Variants in FOXO1 observed in about 807,000 individuals in gnomAD.
FOXO1 encodes forkhead box O1.
FOXO1 carries 6 observed loss-of-function variants against 44.1 expected under a neutral mutation model. The observed-to-expected ratio is 0.14, with a 90% confidence interval of 0.07 to 0.27. The LOEUF is 0.27. Ranked by LOEUF, FOXO1 falls within the 10% of genes least tolerant of loss-of-function variation. FOXO1 has a pLI of 1.00. For missense variants in FOXO1, 737 were observed against 888.8 expected, an observed-to-expected ratio of 0.83 and a Z score of 2.17; for synonymous variants, 380 against 362.7, an observed-to-expected ratio of 1.05 and a Z score of -0.54.
At chr13:40,592,896 G>A in intron 1 of FOXO1, among the ~76,000 whole-genome samples, 1 of 152,162 alleles carries the variant, frequency 6.6e-6, no homozygotes, top group East Asian at 1.9e-4. Context: ...AAGGTATATG[G>A]TTTCTAGTAC....
chr13:40,630,854 A>G (rs1003975731), intron 1 of FOXO1, among the ~76,000 whole-genome samples: 34 of 152,192 alleles, frequency 2.2e-4, no homozygotes, highest in African/African-American at 7.5e-4. Flanking sequence ...GCCTTAAAGT[A>G]TAATACCAAG....
intron 1 of FOXO1, among the ~76,000 whole-genome samples, chr13:40,656,303 C>A (rs1303238758): frequency 6.6e-6 from 1 of 152,182 alleles, no homozygotes; most frequent in African/African-American, 2.4e-5. Context: ...TTTGAAGTAT[C>A]TTTTCAAGCC....
intron 1 of FOXO1, among the ~76,000 whole-genome samples, chr13:40,596,962 G>C (rs1382088883): frequency 3.9e-5 from 6 of 152,146 alleles, no homozygotes; most frequent in Non-Finnish European, 8.8e-5. Context: ...CTACCCCAAA[G>C]GGGAGGAAGA....
intron 1 of FOXO1, chr13:40,619,409 G>C (rs1449201919): frequency 1.1e-6 from 1 of 879,334 alleles, no homozygotes; most frequent in African/African-American, 1.7e-5. Flanking sequence ...CGGGGCACAG[G>C]AAATGCAACT....
At chr13:40,665,367 G>T (rs1288914526) in intron 1 of FOXO1, among the ~76,000 whole-genome samples, 3 of 152,124 alleles carry the variant, frequency 2.0e-5, no homozygotes, top group Non-Finnish European at 4.4e-5. Context: ...GCCCCTTACC[G>T]CGTCCCACGC....
intron 1 of FOXO1, among the ~76,000 whole-genome samples, chr13:40,595,784 T>C (rs1454113921): frequency 6.6e-6 from 1 of 152,084 alleles, no homozygotes; most frequent in African/African-American, 2.4e-5. Flanking sequence ...CCTCAAACAT[T>C]TGTCATTTCT....
chr13:40,664,976 T>G (rs1878175950), intron 1 of FOXO1, among the ~76,000 whole-genome samples: 1 of 151,868 alleles, frequency 6.6e-6, no homozygotes, highest in South Asian at 2.1e-4. Context: ...CCCCCGGCAC[T>G]CGAGGCCACT....
At chr13:40,664,236 G>GTAC (rs1442741198) in intron 1 of FOXO1, among the ~76,000 whole-genome samples, 80 of 152,170 alleles carry the variant, frequency 5.3e-4, no homozygotes, top group African/African-American at 1.8e-3. Context: ...TCGCGCCACG[G>GTAC]TACTCCAGCC....
At chr13:40,634,328 G>A (rs1877070371) in intron 1 of FOXO1, among the ~76,000 whole-genome samples, 1 of 152,130 alleles carries the variant, frequency 6.6e-6, no homozygotes, top group South Asian at 2.1e-4. Flanking sequence ...ACAAGAAAAT[G>A]TAATTATTAC....
At position 40,560,946 on chromosome 13, in the gene FOXO1, T is replaced by A; in HGVS notation, c.631-86A>T. ...CTACATGTATTACATGGAAAACAAGTAAAAAATCTTAAGAGTGTGTGCTAC... is the reference window on the plus strand; with the variant it reads ...CTACATGTATTACATGGAAAACAAGAAAAAAATCTTAAGAGTGTGTGCTAC... On this transcript the variant is annotated intron_variant, in intron 1 of 2. Transcript: ENST00000379561. The surrounding 1 kb of genome is among the most constrained non-coding windows in gnomAD (Gnocchi z 5.1). 7.5e-7 allele frequency: 1 copy of A among 1,334,126 alleles called. No individual in the cohort carries two copies. Among genetic ancestry groups the A allele is most frequent in the Non-Finnish European group, 1.0e-6 (1 of 985,054 alleles). The allele number at this position is 1,334,126 out of a possible 1,614,324, so 82.6% of individuals were successfully genotyped here.
chr13:40,659,863 C>T (rs551015056), intron 1 of FOXO1, among the ~76,000 whole-genome samples: 11 of 152,196 alleles, frequency 7.2e-5, no homozygotes, highest in East Asian at 1.9e-4. Context: ...AAATAGCCAA[C>T]GTACAAAAAT....
chr13:40,654,322 T>TAAAAAAAA lies in FOXO1; in HGVS notation c.630+11253_630+11260dup, dbSNP rs11344939. On this transcript the variant is annotated intron_variant, in intron 1 of 2. Coordinates refer to ENST00000379561, the MANE Select transcript of FOXO1 (RefSeq NM_002015.4). ...GAAACCTCATCTCTACTAAAAATAC[T>TAAAAAAAA]AAAAAAAAAAAAAAAAAAAAAAAAA... Among the ~76,000 whole-genome samples the TAAAAAAAA allele has an allele frequency of 1.4e-3, 68 of 48,192 alleles. 2 individuals carry two copies. Among genetic ancestry groups the TAAAAAAAA allele is most frequent in the African/African-American group, 2.1e-3 (31 of 15,046 alleles). 31.6% of individuals were successfully genotyped at this position (48,192 alleles called of 152,430 possible). A position where few individuals can be genotyped will look rare whatever the true frequency, so the allele number is the denominator to read the frequency against.
chr13:40,568,933 T>C (rs144552607), intron 1 of FOXO1, among the ~76,000 whole-genome samples: 268 of 152,346 alleles, frequency 1.8e-3, no homozygotes, highest in African/African-American at 6.4e-3. Context: ...CTTATGGGTG[T>C]TCATTTACAA....
At chr13:40,620,947 C>T (rs1159016799) in intron 1 of FOXO1, among the ~76,000 whole-genome samples, 1 of 151,738 alleles carries the variant, frequency 6.6e-6, no homozygotes, top group Non-Finnish European at 1.5e-5. Flanking sequence ...TACAGGAACC[C>T]GCCATCATGC....
intron 1 of FOXO1, among the ~76,000 whole-genome samples, chr13:40,640,228 G>A (rs1877301909): frequency 6.6e-6 from 1 of 152,208 alleles, no homozygotes; most frequent in Non-Finnish European, 1.5e-5. Flanking sequence ...CATATGTAAA[G>A]GGAATTAAAA....
intron 1 of FOXO1, among the ~76,000 whole-genome samples, chr13:40,646,262 T>C (rs1877505760): frequency 6.6e-6 from 1 of 151,722 alleles, no homozygotes; most frequent in African/African-American, 2.4e-5. Context: ...TGTGGTTTTC[T>C]TTTTTAAAGC....
rs987273613 is a variant in FOXO1 at position 40,559,535 on chromosome 13, C to T, written c.1956G>A (p.Trp652Ter). 1.3e-6 allele frequency: 2 copies of T among 1,595,702 alleles called. No individual in the cohort carries two copies. The highest frequency in any genetic ancestry group is 1.7e-6 in the Non-Finnish European group (2 of 1,168,776). The change falls in exon 2 of 3, where the codon TGG becomes TGA. Residue 652 changes from tryptophan (W) to a stop codon, truncating the protein, a stop_gained. Transcript: ENST00000379561. LOFTEE classifies it high-confidence loss of function. ...PHSVKTTTHSWVSG is the reference protein window; with the variant it reads ...PHSVKTTTHS The stretch of plus-strand genomic sequence containing the variant: ...TGCTCACTAACCCTCAGCCTGACAC[C>T]CAGCTATGTGTCGTTGTCTTGACAC...
intron 1 of FOXO1, chr13:40,620,091 A>G: frequency 1.9e-6 from 2 of 1,055,476 alleles, no homozygotes; most frequent in Admixed American, 1.9e-5. Flanking sequence ...AAGTCTTTTT[A>G]GAGCAAGATA....
At chr13:40,614,172 A>G (rs1876332641) in intron 1 of FOXO1, among the ~76,000 whole-genome samples, 1 of 152,224 alleles carries the variant, frequency 6.6e-6, no homozygotes, top group African/African-American at 2.4e-5. Flanking sequence ...GTTCTGTGCA[A>G]GTCCACCCGG....
Sources: gnomAD v4.1 joint callset for allele counts (sites outside exome capture counted in the v4.1 genomes callset) on GRCh38, gnomAD v4.1.1 for gene constraint, Gnocchi (gnomAD v3.1) non-coding constraint, MANE v1.5 for transcripts, NCBI Gene and HGNC (gene_info 2026-07-23, HGNC 2026-07-21) for gene names.